NBPF3: variants seen among roughly 807,000 people sequenced by gnomAD.
The protein encoded by NBPF3 is NBPF family member NBPF3.
Under a neutral mutation model 78.1 loss-of-function variants are expected in NBPF3, and 57 were observed. That is an observed-to-expected ratio of 0.73 (90% confidence interval 0.59 to 0.91). The LOEUF (loss-of-function observed/expected upper bound fraction) is 0.91. NBPF3 is among the 40% of genes least tolerant of loss of function. NBPF3 has a pLI of 0.00. For missense variants in NBPF3, 510 were observed against 715.3 expected (o/e 0.71, Z 3.27); for synonymous variants, 182 against 271.7 (o/e 0.67, Z 3.25).
chr1:21,439,604 G>A (rs1640511052), upstream of NBPF3, among the ~76,000 whole-genome samples: 1 of 151,980 alleles, frequency 6.6e-6, no homozygotes, highest in East Asian at 1.9e-4. Context: ...GACAGGAATG[G>A]AAAAGATGCC....
intron 11 of NBPF3, among the ~76,000 whole-genome samples, 194 bp from the exon 12 acceptor site, chr1:21,480,736 A>T (rs1371658287): frequency 6.6e-6 from 1 of 152,158 alleles, no homozygotes; most frequent in Admixed American, 6.5e-5. Context: ...GGGACATTTC[A>T]CCCTTGGTTC....
chr1:21,479,109 G>A (rs1220903321), intron 9 of NBPF3, among the ~76,000 whole-genome samples: 1 of 152,214 alleles, frequency 6.6e-6, no homozygotes, highest in Non-Finnish European at 1.5e-5. Flanking sequence ...ACAAACCTAG[G>A]ACAGAGCACA....
intron 8 of NBPF3, 138 bp from the exon 9 acceptor site, chr1:21,478,006 T>C (rs1642973703): frequency 6.3e-7 from 1 of 1,583,618 alleles, no homozygotes; most frequent in Non-Finnish European, 8.6e-7. Context: ...AAGGATAGTT[T>C]TATTTCTCTT....
At position 21,473,461 on chromosome 1, in the gene NBPF3, C is replaced by G; in HGVS notation, c.816C>G (p.His272Gln). 1 of 1,614,154 alleles carries G rather than the reference C, an allele frequency of 6.2e-7. No individual in the cohort carries two copies. The highest frequency in any genetic ancestry group is 8.5e-7 in the Non-Finnish European group (1 of 1,180,036). ...ECAITCSNSH[H>Q]PCESNQPYGN... Reference sequence around the variant, plus strand: ...CCATCACTTGTTCAAATAGCCACCACCCTTGTGAGTCCAACCAGCCTTACG... The same window carrying G: ...CCATCACTTGTTCAAATAGCCACCAGCCTTGTGAGTCCAACCAGCCTTACG... The change falls in exon 7 of 15, where the codon CAC (histidine) becomes CAG (glutamine). Residue 272 changes from histidine (H) to glutamine (Q), a missense_variant. By Grantham distance (24) the His-to-Gln change is conservative. Around this residue, in one of 5 missense-constraint regions of NBPF3, gnomAD observed 440 missense variants for 478.2 expected, o/e 0.92. Transcript: ENST00000318249.
chr1:21,463,271 C>T (rs1642054327), intron 2 of NBPF3, among the ~76,000 whole-genome samples: 1 of 152,080 alleles, frequency 6.6e-6, no homozygotes, highest in African/African-American at 2.4e-5. Flanking sequence ...CTCTAAAGGG[C>T]CTGAGGAATA....
chr1:21,439,166 C>T (rs1305070192), upstream of NBPF3, among the ~76,000 whole-genome samples: 2 of 152,138 alleles, frequency 1.3e-5, no homozygotes, highest in East Asian at 1.9e-4. Context: ...GTAGTCCTAG[C>T]TACTCGGGAG....
chr1:21,451,004 TGGGACCGGCCCGCCGTCCTA>T (rs1641277045), intron 2 of NBPF3, among the ~76,000 whole-genome samples: 2 of 152,272 alleles, frequency 1.3e-5, no homozygotes, highest in Admixed American at 1.3e-4. Flanking sequence ...ATCGACAGCC[TGGGACCGGCCCGCCGTCCTA>T]TGGGTCTTTG....
intron 2 of NBPF3, chr1:21,446,491 T>TTCCTTCCC (rs1047894745): frequency 7.0e-6 from 1 of 143,756 alleles, no homozygotes; most frequent in East Asian, 2.1e-4. Context: ...CCTTCCTTCC[T>TTCCTTCCC]TCCCTACTTC....
intron 6 of NBPF3, 66 bp downstream of exon 6, chr1:21,472,981 C>A: frequency 8.2e-7 from 1 of 1,220,526 alleles, no homozygotes; most frequent in Non-Finnish European, 1.2e-6. Context: ...GGAGGCACAC[C>A]CTCTCTGGCA....
Position 21,478,232 on chromosome 1 carries a change from G to A in NBPF3, c.1081G>A (p.Ala361Thr). The A allele has an allele frequency of 6.2e-7, 1 of 1,614,154 alleles. No individual in the cohort carries two copies. Among genetic ancestry groups the A allele is most frequent in the South Asian group, 1.1e-5 (1 of 91,080 alleles). ...TCTCTCAATTCCTCCTGACATGTCT[G>A]CCTCATACCAGTCTGACAGGAGCAC... ...WTLSIPPDMSASYQSDRSTFH... is the reference protein window; with the variant it reads ...WTLSIPPDMSTSYQSDRSTFH... The change falls in exon 9 of 15, where the codon GCC becomes ACC. Residue 361 changes from alanine to threonine, a missense_variant. Coordinates refer to ENST00000318249, the MANE Select transcript of NBPF3 (RefSeq NM_032264.6).
At chr1:21,437,105 G>C (rs1359225975), upstream of NBPF3, among the ~76,000 whole-genome samples, 2 of 152,194 alleles carry the variant, frequency 1.3e-5, no homozygotes, top group African/African-American at 4.8e-5. Flanking sequence ...TCCTGGTAGA[G>C]AGGGAGACAG....
intron 2 of NBPF3, chr1:21,468,441 ACCGTTAC>A (rs1346311366): frequency 7.2e-7 from 1 of 1,388,060 alleles, no homozygotes; most frequent in African/African-American, 1.5e-5. Flanking sequence ...GCAACTGCAG[ACCGTTAC>A]CTGGCACACT....
upstream of NBPF3, chr1:21,436,920 A>G: frequency 2.7e-6 from 1 of 366,026 alleles, no homozygotes; most frequent in Non-Finnish European, 4.8e-6. This position sits in a 1 kb window ranked among gnomAD's most constrained non-coding sequence, Gnocchi z 4.3. Context: ...GAGGAGTCTG[A>G]GCGCCCTGGG....
chr1:21,463,066 A>C (rs1642040321), intron 2 of NBPF3, among the ~76,000 whole-genome samples: 1 of 152,192 alleles, frequency 6.6e-6, no homozygotes, highest in Admixed American at 6.5e-5. Context: ...ATACAGTAAA[A>C]ATAATTAGAG....
chr1:21,438,934 C>A (rs569751491), upstream of NBPF3, among the ~76,000 whole-genome samples: 1 of 152,338 alleles, frequency 6.6e-6, no homozygotes, highest in East Asian at 1.9e-4. Context: ...ACAGGCCCTT[C>A]AGAAGGGCAG....
chr1:21,440,023 G>C (rs1326118227), upstream of NBPF3: 1 of 152,316 alleles, frequency 6.6e-6, no homozygotes, highest in Admixed American at 6.5e-5. Context: ...TTGTGCAGTA[G>C]AGGCCGCCGA....
chr1:21,479,430 T>C (rs1224536673), intron 10 of NBPF3, 30 bp downstream of exon 10: 1 of 1,600,458 alleles, frequency 6.2e-7, no homozygotes, highest in African/African-American at 1.3e-5. Flanking sequence ...GACAGTTAAT[T>C]TGATGTTGAC....
chr1:21,445,342 A>G, intron 2 of NBPF3, 123 bp downstream of exon 2: 1 of 1,113,788 alleles, frequency 9.0e-7, no homozygotes, highest in South Asian at 1.6e-5. Context: ...GGCATGAAAC[A>G]GATATTAAAT....
chr1:21,437,526 T>A, upstream of NBPF3: 4 of 1,414,876 alleles, frequency 2.8e-6, no homozygotes, highest in Non-Finnish European at 3.8e-6. Flanking sequence ...AAGAAGCTCC[T>A]GAGCAGGTGC....
Sources: gnomAD v4.1 joint callset for allele counts (sites outside exome capture counted in the v4.1 genomes callset) on GRCh38, gnomAD v4.1.1 for gene constraint, gnomAD v4.1.1 regional missense constraint, Gnocchi (gnomAD v3.1) non-coding constraint, MANE v1.5 for transcripts, NCBI Gene and HGNC (gene_info 2026-07-23, HGNC 2026-07-21) for gene names.